The following EPHA6 variants were observed in gnomAD, a reference collection of about 807,000 sequenced individuals.
EPHA6 encodes EPH receptor A6.
In EPHA6, 50 loss-of-function variants were observed where a neutral mutation model predicts 112.0. The ratio of observed to expected loss-of-function variants is 0.45; its 90% CI spans 0.36 to 0.56. The LOEUF (loss-of-function observed/expected upper bound fraction) is 0.56, where lower values mean the gene tolerates loss of function less well. EPHA6 is among the 20% of genes least tolerant of loss of function. The pLI, the probability that EPHA6 is intolerant of heterozygous loss-of-function variation, is 0.00. For synonymous variants in EPHA6, 529 were observed against 490.7 expected (o/e 1.08, Z -1.03); for missense variants, 1,280 against 1,417.4 (o/e 0.90, Z 1.56).
At chr3:97,630,498 A>T (rs1157195636) in intron 13 of EPHA6, among the ~76,000 whole-genome samples, 1 of 152,076 alleles carries the variant, frequency 6.6e-6, no homozygotes, top group African/African-American at 2.4e-5. Context: ...TTTGATTTAG[A>T]AACATATAAA....
At chr3:97,707,679 T>C (rs1306185846) in intron 14 of EPHA6, among the ~76,000 whole-genome samples, 1 of 152,190 alleles carries the variant, frequency 6.6e-6, no homozygotes, top group Non-Finnish European at 1.5e-5. Flanking sequence ...ATGATTTGGC[T>C]ATATGTCCCC....
chr3:97,530,544 T>C (rs1344055446), intron 10 of EPHA6, among the ~76,000 whole-genome samples: 1 of 151,826 alleles, frequency 6.6e-6, no homozygotes, highest in Non-Finnish European at 1.5e-5. Flanking sequence ...AACTTCTTTT[T>C]TTTTTCAGTG....
chr3:97,376,899 T>G (rs2085395307), intron 5 of EPHA6, among the ~76,000 whole-genome samples: 1 of 152,212 alleles, frequency 6.6e-6, no homozygotes, highest in South Asian at 2.1e-4. Flanking sequence ...AATATCAGAA[T>G]ATTTAGTAGA....
At chr3:96,949,892 A>T (rs2041452466) in intron 2 of EPHA6, among the ~76,000 whole-genome samples, 1 of 152,068 alleles carries the variant, frequency 6.6e-6, no homozygotes. Flanking sequence ...GACCAGCACC[A>T]TTTTCCTAAT....
intron 3 of EPHA6, among the ~76,000 whole-genome samples, chr3:97,010,898 G>A (rs145072262): frequency 1.1e-4 from 16 of 152,186 alleles, no homozygotes; most frequent in African/African-American, 3.6e-4. Flanking sequence ...ATTTGTCTTC[G>A]GAAAGAATTT....
intron 13 of EPHA6, among the ~76,000 whole-genome samples, chr3:97,615,965 C>T (rs746340596): frequency 2.6e-5 from 4 of 152,146 alleles, no homozygotes; most frequent in African/African-American, 7.2e-5. Context: ...AGCTACTCTA[C>T]AAAAAAGTGA....
rs534483698 is a variant in EPHA6, at chr3:97,273,812, G to A, written c.1606+29525G>A. The stretch of plus-strand genomic sequence containing the variant: ...AGGAATTATGTCTGACAGAAGGGAA[G>A]AAATGACCGCAGTGGCCTTCTCAGA... On this transcript the variant is annotated intron_variant, in intron 5 of 17. Coordinates refer to ENST00000389672, the MANE Select transcript of EPHA6 (RefSeq NM_001080448.3). 2.9e-3 allele frequency among the ~76,000 whole-genome samples: 435 copies of A among 152,286 alleles called. 3 individuals are homozygous for A. Among genetic ancestry groups the A allele is most frequent in the African/African-American group, 9.5e-3 (393 of 41,566 alleles).
chr3:97,406,864 C>A (rs750437704), intron 6 of EPHA6, among the ~76,000 whole-genome samples: 1 of 152,118 alleles, frequency 6.6e-6, no homozygotes, highest in African/African-American at 2.4e-5. Context: ...AATGTTACAG[C>A]CTATAGCACA....
At chr3:97,309,166 T>G in intron 5 of EPHA6, among the ~76,000 whole-genome samples, 1 of 151,542 alleles carries the variant, frequency 6.6e-6, no homozygotes. Context: ...TAAAATGTAT[T>G]GTAAAACAAT....
intron 7 of EPHA6, among the ~76,000 whole-genome samples, chr3:97,453,583 CA>C (rs1354360339): frequency 6.6e-6 from 1 of 151,610 alleles, no homozygotes; most frequent in African/African-American, 2.4e-5. Context: ...TTATAATCAA[CA>C]TTAACAAACC....
At position 97,648,359 on chromosome 3, in the gene EPHA6, G is replaced by T. The variant is rs149419923; in HGVS notation, c.2784+10277G>T. On this transcript the variant is annotated intron_variant, in intron 14 of 17. Transcript: ENST00000389672. ...CTGAGAAAAGCCAAATTTTCTGTCGGTCTAAGAAGACATAGCCTACACCCA... is the reference window on the plus strand; with the variant it reads ...CTGAGAAAAGCCAAATTTTCTGTCGTTCTAAGAAGACATAGCCTACACCCA... 664 of 1,597,370 alleles carry T rather than the reference G, an allele frequency of 4.2e-4. No homozygotes were observed. The African/African-American group carries it at 7.8e-3, about 19-fold the overall frequency.
At chr3:97,054,175 C>A (rs1053357573) in intron 3 of EPHA6, among the ~76,000 whole-genome samples, 3 of 151,402 alleles carry the variant, frequency 2.0e-5, no homozygotes, top group Non-Finnish European at 3.0e-5. Context: ...CACACACACA[C>A]ACACACACAC....
At chr3:96,932,943 T>C (rs543965817) in intron 2 of EPHA6, among the ~76,000 whole-genome samples, 8 of 152,218 alleles carry the variant, frequency 5.3e-5, no homozygotes. Context: ...TACTATAGGA[T>C]TTTTAAAGGG....
intron 7 of EPHA6, among the ~76,000 whole-genome samples, chr3:97,467,184 T>C (rs1461894194): frequency 6.6e-6 from 1 of 151,816 alleles, no homozygotes; most frequent in Non-Finnish European, 1.5e-5. Flanking sequence ...TCACAGTGCT[T>C]AGCAAATGGT....
intron 14 of EPHA6, among the ~76,000 whole-genome samples, chr3:97,641,788 T>A (rs965394647): frequency 6.6e-6 from 1 of 152,212 alleles, no homozygotes; most frequent in Non-Finnish European, 1.5e-5. Context: ...CAGAGGGTCC[T>A]ATGCCCACGG....
chr3:97,201,445 T>C (rs2077574626), intron 3 of EPHA6, among the ~76,000 whole-genome samples: 1 of 152,150 alleles, frequency 6.6e-6, no homozygotes, highest in Non-Finnish European at 1.5e-5. Context: ...TAACAGTTTG[T>C]ACTAAAACTT....
intron 1 of EPHA6, among the ~76,000 whole-genome samples, chr3:96,864,771 C>G (rs771182271): frequency 6.6e-6 from 1 of 151,940 alleles, no homozygotes; most frequent in Non-Finnish European, 1.5e-5. Flanking sequence ...ACAGGAATGC[C>G]AACTAACTTA....
At chr3:97,474,456 CA>C (rs1165734581) in intron 7 of EPHA6, among the ~76,000 whole-genome samples, 1 of 151,836 alleles carries the variant, frequency 6.6e-6, no homozygotes, top group Non-Finnish European at 1.5e-5. Flanking sequence ...AGAAATGAGA[CA>C]AAACCCTGAA....
intron 15 of EPHA6, among the ~76,000 whole-genome samples, chr3:97,725,298 G>C (rs941815501): frequency 6.6e-6 from 1 of 152,036 alleles, no homozygotes; most frequent in Non-Finnish European, 1.5e-5. Context: ...GGCTGGCTTT[G>C]TTAGGACCTT....
Sources: gnomAD v4.1 joint callset for allele counts (sites outside exome capture counted in the v4.1 genomes callset) on GRCh38, gnomAD v4.1.1 for gene constraint, MANE v1.5 for transcripts, NCBI Gene and HGNC (gene_info 2026-07-23, HGNC 2026-07-21) for gene names.